KIF4A: variants seen among roughly 807,000 people sequenced by gnomAD.
KIF4A encodes the protein chromosome-associated kinesin KIF4A.
Under a neutral mutation model 105.9 loss-of-function variants are expected in KIF4A, and 7 were observed. That is an observed-to-expected ratio of 0.07 (90% CI 0.04 to 0.12). The LOEUF (loss-of-function observed/expected upper bound fraction) is 0.12, where lower values mean the gene tolerates loss of function less well. Among genes scored for constraint, KIF4A ranks in the 10% least tolerant of loss-of-function variants. The probability of loss-of-function intolerance (pLI) is 1.00; values close to 1 mark genes in which losing one functional copy is unlikely to be tolerated. For synonymous variants in KIF4A, 281 were observed against 331.3 expected (o/e 0.85, Z 1.65); for missense variants, 558 against 929.2 (o/e 0.60, Z 5.19).
chrX:70,379,310 A>G (rs1174659273), intron 18 of KIF4A, among the ~76,000 whole-genome samples: 1 of 112,186 alleles, frequency 8.9e-6, no homozygotes, highest in East Asian at 2.8e-4. Context: ...AACAAATTAG[A>G]TAGCCTAGAT....
intron 20 of KIF4A, among the ~76,000 whole-genome samples, chrX:70,388,200 T>C (rs1016398202): frequency 1.8e-5 from 2 of 111,926 alleles, no homozygotes; most frequent in African/African-American, 6.5e-5. Context: ...GATTCATCCA[T>C]GTGGTTGCAT....
intron 13 of KIF4A, among the ~76,000 whole-genome samples, chrX:70,345,964 G>A (rs2085991004): frequency 9.0e-6 from 1 of 111,488 alleles, no homozygotes; most frequent in African/African-American, 3.3e-5. Flanking sequence ...AGGCATCATA[G>A]AAGAAACTGG....
At position 70,297,139 on chromosome X, in the gene KIF4A, T is replaced by C; in HGVS notation, c.377T>C (p.Ile126Thr). Reference protein sequence around the residue: ...PRVIQLLFKEIDKKSDFEFTL... With the variant: ...PRVIQLLFKETDKKSDFEFTL... ...GTAATACAACTGCTCTTCAAAGAAA[T>C]TGATAAAAAGAGTGACTTTGAATTT... Residue 126 changes from isoleucine (I) to threonine (T), a missense_variant, in exon 4 of 31, where the codon ATT (isoleucine) becomes ACT (threonine). Physicochemically the swap from Ile to Thr is moderately conservative, Grantham distance 89. Around this residue, in one of 2 missense-constraint regions of KIF4A, gnomAD observed 89 missense variants for 248.8 expected, o/e 0.36. Transcript: ENST00000374403. 8.3e-7 allele frequency: 1 copy of C among 1,210,702 alleles called. No individual in the cohort carries two copies. The highest frequency in any genetic ancestry group is 1.1e-6 in the Non-Finnish European group (1 of 894,663).
intron 9 of KIF4A, among the ~76,000 whole-genome samples, chrX:70,332,211 G>A: frequency 8.9e-6 from 1 of 112,080 alleles, no homozygotes; most frequent in Middle Eastern, 4.6e-3. Context: ...AATATAAGGA[G>A]AATGTAAGTA....
intron 15 of KIF4A, among the ~76,000 whole-genome samples, chrX:70,366,246 T>C (rs934811123): frequency 4.5e-5 from 5 of 111,298 alleles, no homozygotes; most frequent in Non-Finnish European, 7.5e-5. Flanking sequence ...TGTCTCTATT[T>C]CCTTCATTTC....
chrX:70,298,800 T>C (rs1263206987), intron 4 of KIF4A, among the ~76,000 whole-genome samples: 1 of 112,518 alleles, frequency 8.9e-6, no homozygotes, highest in African/African-American at 3.2e-5. Context: ...AATGCTATTA[T>C]GATGCCATCA....
At chrX:70,344,825 A>C (rs372791417) in intron 13 of KIF4A, among the ~76,000 whole-genome samples, 2 of 112,060 alleles carry the variant, frequency 1.8e-5, no homozygotes, top group East Asian at 5.6e-4. Flanking sequence ...AGTGTGTCAC[A>C]AAATTATCCA....
At chrX:70,372,536 G>A (rs1217138174) in intron 15 of KIF4A, among the ~76,000 whole-genome samples, 1 of 114,375 alleles carries the variant, frequency 8.7e-6, no homozygotes, top group Non-Finnish European at 1.9e-5. Flanking sequence ...GCAGGCACTA[G>A]GCAGGCTGAG....
chrX:70,404,629 A>C (rs1358320635), intron 24 of KIF4A, 86 bp from the exon 25 acceptor site: 3 of 564,591 alleles, frequency 5.3e-6, no homozygotes, highest in Non-Finnish European at 8.7e-6. Context: ...GAGAGCAGTC[A>C]CCTGGATCAC....
chrX:70,300,863 AG>A (rs1284097191), intron 5 of KIF4A, among the ~76,000 whole-genome samples: 5 of 112,124 alleles, frequency 4.5e-5, no homozygotes, highest in African/African-American at 1.6e-4. Context: ...TATCTAGCAC[AG>A]GGCTTAGTAG....
intron 7 of KIF4A, among the ~76,000 whole-genome samples, chrX:70,317,985 C>T (rs1443118342): frequency 1.8e-5 from 2 of 108,753 alleles, no homozygotes; most frequent in Non-Finnish European, 3.8e-5. Context: ...TCAAGTGATT[C>T]TCCTGCCTCA....
At chrX:70,359,183 C>T (rs1404847310) in intron 15 of KIF4A, among the ~76,000 whole-genome samples, 1 of 112,250 alleles carries the variant, frequency 8.9e-6, no homozygotes, top group Non-Finnish European at 1.9e-5. Context: ...TGTCTCTTTT[C>T]ATTCTCGTTG....
intron 28 of KIF4A, among the ~76,000 whole-genome samples, chrX:70,410,843 G>A (rs2086319018): frequency 8.9e-6 from 1 of 111,826 alleles, no homozygotes; most frequent in Non-Finnish European, 1.9e-5. Context: ...CCCAGCCTAG[G>A]GGTTGTGGAC....
intron 15 of KIF4A, among the ~76,000 whole-genome samples, chrX:70,359,282 T>C: frequency 9.0e-6 from 1 of 111,457 alleles, no homozygotes; most frequent in East Asian, 2.8e-4. Context: ...TAATAGGACA[T>C]ACAATGCAGC....
chrX:70,371,615 C>A (rs1392646843), intron 15 of KIF4A, among the ~76,000 whole-genome samples: 1 of 106,650 alleles, frequency 9.4e-6, no homozygotes, highest in Non-Finnish European at 2.0e-5. Flanking sequence ...CTGACCCCCC[C>A]ACCTCCCTCC....
chrX:70,392,853 A>AT (rs1349590836), intron 20 of KIF4A, among the ~76,000 whole-genome samples: 15 of 105,381 alleles, frequency 1.4e-4, no homozygotes, highest in South Asian at 4.1e-4. Context: ...AATAATAATA[A>AT]TAATAATTAT....
chrX:70,415,278 T>A (rs966075217), intron 28 of KIF4A: 4 of 241,764 alleles, frequency 1.7e-5, no homozygotes, highest in Non-Finnish European at 3.0e-5. Flanking sequence ...TAGAAACGTG[T>A]AAGACAATTT....
At chrX:70,384,893 T>C (rs1337896564) in intron 18 of KIF4A, among the ~76,000 whole-genome samples, 1 of 107,343 alleles carries the variant, frequency 9.3e-6, no homozygotes, top group East Asian at 3.0e-4. Context: ...CTTGGCTCAC[T>C]GCAACATCTG....
At chrX:70,295,895 C>T (rs1290442185) in intron 3 of KIF4A, among the ~76,000 whole-genome samples, 3 of 102,520 alleles carry the variant, frequency 2.9e-5, no homozygotes, top group Non-Finnish European at 4.0e-5. Context: ...CCAGCCTGGG[C>T]GGCAGAGCGA....
Sources: gnomAD v4.1 joint callset for allele counts (sites outside exome capture counted in the v4.1 genomes callset) on GRCh38, gnomAD v4.1.1 for gene constraint, gnomAD v4.1.1 regional missense constraint, MANE v1.5 for transcripts, NCBI Gene and HGNC (gene_info 2026-07-23, HGNC 2026-07-21) for gene names.